The following NME7 variants were observed in gnomAD, a reference collection of about 807,000 sequenced individuals.
NME7 encodes the protein NME/NM23 family member 7.
In NME7, 41 loss-of-function variants were observed where a neutral mutation model predicts 49.1. The observed-to-expected ratio is 0.83, with a 90% CI of 0.65 to 1.08. The LOEUF is 1.08. NME7 is among the 50% of genes least tolerant of loss of function. NME7 has a pLI of 0.00. For missense variants in NME7, 423 were observed against 463.4 expected, an observed-to-expected ratio of 0.91 and a Z score of 0.80; for synonymous variants, 139 against 150.6, an observed-to-expected ratio of 0.92 and a Z score of 0.56.
intron 10 of NME7, among the ~76,000 whole-genome samples, chr1:169,220,080 T>C (rs1489600706): frequency 1.3e-5 from 2 of 152,168 alleles, no homozygotes; most frequent in Non-Finnish European, 2.9e-5. Context: ...ACGCATGTTT[T>C]CCCCAACCTC....
At chr1:169,343,085 G>A (rs1652836957) in intron 1 of NME7, among the ~76,000 whole-genome samples, 2 of 149,444 alleles carry the variant, frequency 1.3e-5, no homozygotes, top group African/African-American at 2.5e-5. Flanking sequence ...GGTCCTTCCT[G>A]TCTCACATTG....
chr1:169,359,675 A>G (rs1257477386), intron 1 of NME7, among the ~76,000 whole-genome samples: 1 of 152,074 alleles, frequency 6.6e-6, no homozygotes. Context: ...ACATATATAA[A>G]ACATATATAG....
intron 10 of NME7, among the ~76,000 whole-genome samples, chr1:169,208,971 A>C (rs956679922): frequency 6.6e-6 from 1 of 152,092 alleles, no homozygotes; most frequent in Non-Finnish European, 1.5e-5. Flanking sequence ...GATTTTAGTC[A>C]ATTAATTCCA....
Position 169,324,512 on chromosome 1 carries a change from GAC to G in NME7, c.4-14_4-13del. The G allele has an allele frequency of 6.5e-7, 1 of 1,534,092 alleles. No individual in the cohort carries two copies. Among genetic ancestry groups the G allele is most frequent in the Non-Finnish European group, 9.0e-7 (1 of 1,108,848 alleles). On this transcript the variant is annotated splice_polypyrimidine_tract_variant and intron_variant, in intron 1 of 11. Transcript: ENST00000367811. ...CTTTCACTATGATTCTGCAAAGAAA[GAC>G]AGAAGAATTTTAACACTAACATATA...
At chr1:169,275,632 C>A (rs1571345995) in intron 7 of NME7, among the ~76,000 whole-genome samples, 2 of 131,576 alleles carry the variant, frequency 1.5e-5, no homozygotes, top group South Asian at 2.3e-4. Flanking sequence ...CACCTGCAAA[C>A]AGGTACAATT....
chr1:169,303,836 C>G (rs3766091), intron 4 of NME7, among the ~76,000 whole-genome samples: 1 of 152,098 alleles, frequency 6.6e-6, no homozygotes, highest in East Asian at 1.9e-4. Context: ...TCTTTAAAGT[C>G]TAAATAAGTT....
chr1:169,213,559 T>C (rs1295390167), intron 10 of NME7, among the ~76,000 whole-genome samples: 1 of 152,190 alleles, frequency 6.6e-6, no homozygotes, highest in Non-Finnish European at 1.5e-5. Context: ...GCATCTTTCC[T>C]GTGTATCACT....
intron 3 of NME7, among the ~76,000 whole-genome samples, chr1:169,311,015 G>A (rs10919132): frequency 0.56 from 85,655 of 152,018 alleles, 24,463 homozygotes; most frequent in Admixed American, 0.6. Context: ...TGCATTTCCA[G>A]TTGTTCTTAT....
chr1:169,303,512 C>T lies in NME7; in HGVS notation c.390-317G>A, dbSNP rs570939618. ...TTACCCAGGCCAGAGTGCAGTGGCACGATCTTGGCGCTCGCTACAACCTCC... is the reference window on the plus strand; with the variant it reads ...TTACCCAGGCCAGAGTGCAGTGGCATGATCTTGGCGCTCGCTACAACCTCC... On this transcript the variant is annotated intron_variant, in intron 4 of 11. Transcript: ENST00000367811. 7.1e-5 allele frequency: 11 copies of T among 155,432 alleles called. No homozygotes were observed. In the South Asian group the frequency reaches 1.7e-3, roughly 25 times the overall value. 9.6% of individuals were successfully genotyped at this position (155,432 alleles called of 1,614,324 possible).
chr1:169,362,080 T>C (rs1443228335), intron 1 of NME7, among the ~76,000 whole-genome samples: 1 of 151,646 alleles, frequency 6.6e-6, no homozygotes, highest in East Asian at 2.0e-4. Flanking sequence ...TGGTGGCACA[T>C]GCCTGTAATC....
At chr1:169,235,096 C>T (rs1399671077) in intron 9 of NME7, 35 bp downstream of exon 9, 2 of 1,212,402 alleles carry the variant, frequency 1.6e-6, no homozygotes, top group African/African-American at 3.1e-5. Flanking sequence ...TTTCACTTAA[C>T]AGTACAAATG....
At chr1:169,197,617 T>C (rs891568467) in intron 10 of NME7, among the ~76,000 whole-genome samples, 2 of 152,124 alleles carry the variant, frequency 1.3e-5, no homozygotes, top group African/African-American at 4.8e-5. Flanking sequence ...GGGGAAATAA[T>C]AATCTTTTCA....
At chr1:169,202,780 T>A (rs982480673) in intron 10 of NME7, among the ~76,000 whole-genome samples, 2 of 152,000 alleles carry the variant, frequency 1.3e-5, no homozygotes, top group African/African-American at 4.8e-5. Context: ...GCCAGAAACA[T>A]GCAATTGGAG....
At chr1:169,205,163 T>TA (rs1420153296) in intron 10 of NME7, among the ~76,000 whole-genome samples, 2 of 152,162 alleles carry the variant, frequency 1.3e-5, no homozygotes, top group Non-Finnish European at 2.9e-5. Context: ...CAATACTTAC[T>TA]ATTATAACCA....
chr1:169,328,890 C>A (rs79603563), intron 1 of NME7, among the ~76,000 whole-genome samples: 1 of 152,200 alleles, frequency 6.6e-6, no homozygotes, highest in Non-Finnish European at 1.5e-5. Flanking sequence ...CAAGACTTTT[C>A]AAATACATGT....
chr1:169,213,380 AT>A (rs1660886624), intron 10 of NME7, among the ~76,000 whole-genome samples: 1 of 150,168 alleles, frequency 6.7e-6, no homozygotes, highest in Admixed American at 6.6e-5. Flanking sequence ...AAAAAAAAAA[AT>A]CTCACCCATA....
chr1:169,227,878 CA>C (rs753176325), intron 10 of NME7, among the ~76,000 whole-genome samples: 16 of 152,070 alleles, frequency 1.1e-4, no homozygotes, highest in Non-Finnish European at 2.1e-4. Context: ...AGAGTACCCG[CA>C]AATATCTAAC....
At chr1:169,168,507 C>T (rs1218563482) in intron 11 of NME7, among the ~76,000 whole-genome samples, 2 of 152,154 alleles carry the variant, frequency 1.3e-5, no homozygotes, top group Non-Finnish European at 2.9e-5. Context: ...TCATAGCATA[C>T]TGTGGCCTTG....
At position 169,235,164 on chromosome 1, in the gene NME7, A is replaced by C; in HGVS notation, c.855T>G (p.Tyr285Ter). Residue 285 changes from tyrosine to a stop codon, truncating the protein, a stop_gained, in exon 9 of 12, where the codon TAT (tyrosine) becomes TAG (stop). Transcript: ENST00000367811. LOFTEE classifies it high-confidence loss of function. ...NMDRVNVEEF[Y>*]EVYKGVVTEY... is the part of the protein sequence containing the mutation. Reference sequence around the variant, plus strand: ...CGGTCACTACTCCTTTATAAACTTCATAGAATTCCTCAACATTAACCCGAT... The same window carrying C: ...CGGTCACTACTCCTTTATAAACTTCCTAGAATTCCTCAACATTAACCCGAT... 1 of 1,551,020 alleles carries C rather than the reference A, an allele frequency of 6.4e-7. No homozygotes were observed. The highest frequency in any genetic ancestry group is 8.8e-7 in the Non-Finnish European group (1 of 1,132,598).
Sources: allele counts gnomAD v4.1 joint callset (sites outside exome capture counted in the v4.1 genomes callset), GRCh38; gene constraint gnomAD v4.1.1; transcripts MANE v1.5; gene names NCBI Gene and HGNC (gene_info 2026-07-23, HGNC 2026-07-21).